Variants in CUZD1 observed in about 807,000 individuals in gnomAD.
The protein encoded by CUZD1 is CUB and zona pellucida-like domain-containing protein 1.
In CUZD1, 42 loss-of-function variants were observed where a neutral mutation model predicts 53.1. The observed-to-expected ratio is 0.79, with a 90% CI of 0.62 to 1.02. The LOEUF (loss-of-function observed/expected upper bound fraction) is 1.02, where lower values mean the gene tolerates loss of function less well. Ranked by LOEUF, CUZD1 falls within the 50% of genes least tolerant of loss-of-function variation. The pLI is 0.00. For synonymous variants in CUZD1, 238 were observed against 257.2 expected (o/e 0.93, Z 0.71); for missense variants, 670 against 715.7 (o/e 0.94, Z 0.73).
intron 1 of CUZD1, among the ~76,000 whole-genome samples, chr10:122,841,804 A>G (rs1020313743): frequency 1.3e-5 from 2 of 152,166 alleles, no homozygotes; most frequent in African/African-American, 4.8e-5. Context: ...ATTGCTTTGT[A>G]TAGCCATTCT....
At chr10:122,842,083 C>T (rs1847353236) in intron 1 of CUZD1, among the ~76,000 whole-genome samples, 1 of 152,082 alleles carries the variant, frequency 6.6e-6, no homozygotes, top group Non-Finnish European at 1.5e-5. Context: ...TTTTCATCCT[C>T]TTAACAGTGT....
Position 122,835,078 on chromosome 10 carries a change from G to A in CUZD1, c.1010C>T (p.Thr337Ile), listed in dbSNP as rs754109655. ...AGAAAAGGTGATTATATTGGTGTAA[G>A]TAATTGACTGATCTTCTACCTGCAG... ...TIRKVEDQSITYTNIITFSAS... is the reference protein window; with the variant it reads ...TIRKVEDQSIIYTNIITFSAS... The change falls in exon 7 of 9, where the codon ACT (threonine) becomes ATT (isoleucine). Residue 337 changes from threonine to isoleucine, a missense_variant. Physicochemically the swap from Thr to Ile is moderately conservative, Grantham distance 89. Transcript: ENST00000392790. 6.4e-7 allele frequency: 1 copy of A among 1,573,090 alleles called. No individual in the cohort carries two copies. The highest frequency in any genetic ancestry group is 1.2e-5 in the South Asian group (1 of 83,958).
intron 7 of CUZD1, 150 bp downstream of exon 7, chr10:122,834,556 C>T: frequency 4.0e-6 from 2 of 500,050 alleles, no homozygotes; most frequent in East Asian, 6.7e-5. Context: ...TACATAGTAA[C>T]TATTTTATAA....
intron 7 of CUZD1, 45 bp downstream of exon 7, chr10:122,834,661 C>A: frequency 8.4e-6 from 12 of 1,427,134 alleles, no homozygotes; most frequent in South Asian, 5.2e-5. Context: ...ATTATTATTC[C>A]ACAGGAAGGA....
intron 6 of CUZD1, among the ~76,000 whole-genome samples, chr10:122,835,766 G>GT (rs928372302): frequency 9.9e-5 from 15 of 151,962 alleles, no homozygotes; most frequent in Non-Finnish European, 1.3e-4. Context: ...GTTTAAATGG[G>GT]TTTTTTTAAA....
Position 122,836,909 on chromosome 10 carries a change from A to T in CUZD1, c.739T>A (p.Leu247Met). ...ESSSNSLTVV[L>M]STDYANSYRG... ...TAAGAATTGGCATAATCTGTAGACA[A>T]CACGACAGTCAGAGAGTTTGATGAC... Residue 247 changes from leucine to methionine, a missense_variant, in exon 5 of 9, where the codon TTG becomes ATG. Physicochemically the swap from Leu to Met is conservative, Grantham distance 15. Transcript: ENST00000392790. The T allele has an allele frequency of 6.2e-7, 1 of 1,614,150 alleles. No individual in the cohort carries two copies. The highest frequency in any genetic ancestry group is 1.7e-5 in the Admixed American group (1 of 60,022).
At chr10:122,838,937 A>T in intron 3 of CUZD1, 80 bp downstream of exon 3, 1 of 1,091,168 alleles carries the variant, frequency 9.2e-7, no homozygotes, top group Admixed American at 1.8e-5. Context: ...CAGACTGAAG[A>T]TTATAAGAAC....
At chr10:122,838,554 C>G (rs116852951) in intron 3 of CUZD1, among the ~76,000 whole-genome samples, 2,018 of 152,256 alleles carry the variant, frequency 0.013, 38 homozygotes, top group Admixed American at 0.016. Flanking sequence ...ATCCGGGGGA[C>G]TTGTTAAACA....
At position 122,835,050 on chromosome 10, in the gene CUZD1, T is replaced by C. The variant is rs1355466876; in HGVS notation, c.1038A>G (p.Ala346=). The C allele has an allele frequency of 1.2e-6, 2 of 1,608,544 alleles. No individual in the cohort carries two copies. Among genetic ancestry groups the C allele is most frequent in the Non-Finnish European group, 1.7e-6 (2 of 1,177,356 alleles). Reference sequence around the variant, plus strand: ...GGGTGATCACTTCAGAAGTTGAGGATGCAGAAAAGGTGATTATATTGGTGT... The same window carrying C: ...GGGTGATCACTTCAGAAGTTGAGGACGCAGAAAAGGTGATTATATTGGTGT... The part of the protein sequence containing the change: ...ITYTNIITFS[A]SSTSEVITRQ... Residue 346 remains alanine, a synonymous_variant, in exon 7 of 9, where the codon GCA becomes GCG. Coordinates refer to ENST00000392790, the MANE Select transcript of CUZD1 (RefSeq NM_022034.6).
At position 122,845,646 on chromosome 10, in the gene CUZD1, A is replaced by G. The variant is rs1297015805; in HGVS notation, c.82+116T>C. The G allele has an allele frequency of 1.6e-5, 11 of 700,606 alleles. No homozygotes were observed. In the Admixed American group the frequency reaches 2.9e-4, roughly 18 times the overall value. 43.4% of individuals were successfully genotyped at this position (700,606 alleles called of 1,614,324 possible). On this transcript the variant is annotated intron_variant, in intron 1 of 8. Transcript: ENST00000392790. ...AAATCCCCTCCAAGAGCATTAGAGT[A>G]CATTTTTCTCTGAACTGGGGCCAAC...
intron 7 of CUZD1, 133 bp from the exon 8 acceptor site, chr10:122,834,073 G>A: frequency 1.4e-6 from 1 of 728,596 alleles, no homozygotes; most frequent in Non-Finnish European, 2.2e-6. Context: ...TCACACTACA[G>A]TGAGTTAAGA....
chr10:122,837,309 G>A, intron 4 of CUZD1, 95 bp downstream of exon 4: 2 of 1,308,492 alleles, frequency 1.5e-6, no homozygotes. Context: ...GCCCATATAT[G>A]AGAATTACGT....
At chr10:122,843,976 T>C (rs1260324651) in intron 1 of CUZD1, among the ~76,000 whole-genome samples, 1 of 148,226 alleles carries the variant, frequency 6.7e-6, no homozygotes, top group African/African-American at 2.5e-5. Context: ...ATAAAGACTA[T>C]ATATAGACTA....
Position 122,836,945 on chromosome 10 carries a change from T to C in CUZD1, c.703A>G (p.Thr235Ala), listed in dbSNP as rs1847262126. Residue 235 changes from threonine (T) to alanine (A), a missense_variant, in exon 5 of 9, where the codon ACC becomes GCC. Thr to Ala is a moderately conservative substitution (Grantham distance 58). Transcript: ENST00000392790. ...AGAGAGTTTGATGACGATTCGAAGG[T>C]GGGAGTCACACGGCCACAGACTTGT... is the stretch of plus-strand genomic sequence containing the variant. ...IGQVCGRVTP[T>A]FESSSNSLTV... 2 of 1,614,066 alleles carry C rather than the reference T, an allele frequency of 1.2e-6. No individual in the cohort carries two copies. Among genetic ancestry groups the C allele is most frequent in the African/African-American group, 2.7e-5 (2 of 75,024 alleles).
Position 122,837,412 on chromosome 10 carries a change from T to C in CUZD1, c.591A>G (p.Lys197=), listed in dbSNP as rs1847270936. The C allele has an allele frequency of 4.3e-6, 7 of 1,614,112 alleles. No individual in the cohort carries two copies. In the East Asian group the frequency reaches 1.6e-4, roughly 36 times the overall value. The change falls in exon 4 of 9, where the codon AAA becomes AAG. Residue 197 remains lysine (K), a synonymous_variant. Coordinates refer to ENST00000392790, the MANE Select transcript of CUZD1 (RefSeq NM_022034.6). ...EKDYKIKLNF[K]EIFLEIDKQC... ...TGGGCAGCAGTACTTACAAAATCTC[T>C]TTGAAGTTTAGTTTTATCTTGTAAT...
intron 1 of CUZD1, among the ~76,000 whole-genome samples, chr10:122,844,754 T>C: frequency 6.6e-6 from 1 of 152,170 alleles, no homozygotes; most frequent in East Asian, 1.9e-4. Context: ...ATGTATGTTG[T>C]CAGATGGGCC....
At chr10:122,833,402 T>C (rs1229405752) in intron 8 of CUZD1, among the ~76,000 whole-genome samples, 1 of 152,178 alleles carries the variant, frequency 6.6e-6, no homozygotes, top group Non-Finnish European at 1.5e-5. Context: ...TAAAAGAAAC[T>C]TGTTTTTAGA....
intron 1 of CUZD1, among the ~76,000 whole-genome samples, chr10:122,845,170 G>C (rs1422688250): frequency 6.6e-6 from 1 of 151,594 alleles, no homozygotes; most frequent in Non-Finnish European, 1.5e-5. Flanking sequence ...TCCACCTCTC[G>C]GGTTCAAGCG....
chr10:122,834,184 G>T (rs1847207142), intron 7 of CUZD1, among the ~76,000 whole-genome samples: 1 of 152,194 alleles, frequency 6.6e-6, no homozygotes, highest in Non-Finnish European at 1.5e-5. Flanking sequence ...CGTATTGGAA[G>T]TCAAACTTCT....
Sources: allele counts gnomAD v4.1 joint callset (sites outside exome capture counted in the v4.1 genomes callset), GRCh38; gene constraint gnomAD v4.1.1; transcripts MANE v1.5; gene names NCBI Gene and HGNC (gene_info 2026-07-23, HGNC 2026-07-21).